Variants in ZPBP observed in about 807,000 individuals in gnomAD.
The protein encoded by ZPBP is zona pellucida-binding protein 1.
In ZPBP, 26 loss-of-function variants were observed where a neutral mutation model predicts 44.8. The ratio of observed to expected loss-of-function variants is 0.58; its 90% CI spans 0.43 to 0.81. The LOEUF is 0.81. Among genes scored for constraint, ZPBP ranks in the 30% least tolerant of loss-of-function variants. ZPBP has a pLI of 0.00. For synonymous variants in ZPBP, 174 were observed against 153.2 expected, an observed-to-expected ratio of 1.14 and a Z score of -1.00; for missense variants, 409 against 434.0, an observed-to-expected ratio of 0.94 and a Z score of 0.51.
intron 7 of ZPBP, chr7:49,940,853 G>C: frequency 1.2e-5 from 11 of 945,434 alleles, no homozygotes; most frequent in Non-Finnish European, 1.4e-5. Context: ...GATGGGTGCA[G>C]TTCCTGAAAA....
chr7:49,986,410 T>C (rs1219159452), intron 6 of ZPBP, among the ~76,000 whole-genome samples: 1 of 152,170 alleles, frequency 6.6e-6, no homozygotes, highest in Non-Finnish European at 1.5e-5. Context: ...CCCTCCCAGC[T>C]GGGGCTGGGG....
rs369777825 is a variant in ZPBP, at chr7:49,917,507, C to T, written n.412-16292G>A. ...CTTTCCTTTAAAGTTCAGAAAAGTA[C>T]ATAAAACCTCTGGCTGACCTATTAT... is the stretch of plus-strand genomic sequence containing the variant. On this transcript the variant is annotated intron_variant and non_coding_transcript_variant, in intron 1 of 2. Coordinates refer to the ZPBP transcript ENST00000465922. 28 of 152,254 alleles carry T rather than the reference C, an allele frequency of 1.8e-4. 1 individual carries two copies. In the South Asian group the frequency reaches 5.8e-3, roughly 32 times the overall value. The allele number at this position is 152,254 out of a possible 1,614,324, so 9.4% of individuals were successfully genotyped here.
At chr7:49,964,365 T>G (rs1194378155) in intron 7 of ZPBP, among the ~76,000 whole-genome samples, 1 of 152,012 alleles carries the variant, frequency 6.6e-6, no homozygotes, top group African/African-American at 2.4e-5. Context: ...TTAATGACCA[T>G]ATGATTATTT....
intron 4 of ZPBP, among the ~76,000 whole-genome samples, chr7:50,056,734 C>T (rs1800953819): frequency 1.3e-5 from 2 of 152,136 alleles, no homozygotes; most frequent in African/African-American, 2.4e-5. Context: ...CCTTTCTAGC[C>T]TCATGCATTT....
chr7:49,926,014 A>G (rs964305366), intron 1 of ZPBP, among the ~76,000 whole-genome samples: 1 of 152,254 alleles, frequency 6.6e-6, no homozygotes, highest in Non-Finnish European at 1.5e-5. Flanking sequence ...TCAGTCCTGA[A>G]TGGACTGCTG....
In ZPBP at chr7:49,965,604, T is replaced by A. The variant is rs558435518; in HGVS notation, c.961+17738A>T. ...CTACTGGAAATGGTAGTTACATGAG[T>A]AAATACATGAGAGTTTTTTTGGTGT... is the stretch of plus-strand genomic sequence containing the variant. On this transcript the variant is annotated intron_variant, in intron 7 of 7. Transcript: ENST00000046087. Among the ~76,000 whole-genome samples the A allele has an allele frequency of 4.6e-5, 7 of 152,082 alleles. No homozygotes were observed. The East Asian group carries it at 1.2e-3, about 25-fold the overall frequency.
intron 2 of ZPBP, among the ~76,000 whole-genome samples, chr7:49,895,456 C>CA (rs1425122465): frequency 1.1e-4 from 17 of 152,078 alleles, no homozygotes; most frequent in Admixed American, 4.6e-4. Flanking sequence ...GTATAAACAA[C>CA]AAAAAAACCC....
At chr7:50,079,205 A>T (rs1265384963) in intron 3 of ZPBP, among the ~76,000 whole-genome samples, 4 of 151,638 alleles carry the variant, frequency 2.6e-5, no homozygotes, top group African/African-American at 9.7e-5. Context: ...TTCCTACCTC[A>T]TTGAGATTAT....
intron 1 of ZPBP, among the ~76,000 whole-genome samples, chr7:49,927,937 C>T (rs185057119): frequency 3.9e-5 from 6 of 152,264 alleles, no homozygotes; most frequent in Admixed American, 1.3e-4. Flanking sequence ...TGACAGATTT[C>T]GATATGAACA....
intron 3 of ZPBP, among the ~76,000 whole-genome samples, chr7:50,068,598 G>C (rs1179816121): frequency 6.6e-6 from 1 of 152,096 alleles, no homozygotes; most frequent in African/African-American, 2.4e-5. Context: ...TCCTTGCAAA[G>C]CCAGCTTCTC....
At chr7:50,064,847 C>T (rs1157425781) in intron 3 of ZPBP, among the ~76,000 whole-genome samples, 4 of 152,004 alleles carry the variant, frequency 2.6e-5, no homozygotes, top group South Asian at 2.1e-4. Flanking sequence ...ACATCCTCCT[C>T]GGCTGACAGG....
At chr7:49,939,535 CAA>C (rs1794773394) in intron 7 of ZPBP, among the ~76,000 whole-genome samples, 1 of 150,996 alleles carries the variant, frequency 6.6e-6, no homozygotes, top group African/African-American at 2.4e-5. Flanking sequence ...AACAAAGAGA[CAA>C]AGAAGGATTT....
chr7:50,019,598 C>T lies in ZPBP; in HGVS notation c.707-1282G>A, dbSNP rs148701187. ...GATGGACAACTGTTGATATGAAGATCATAAAATTGATCATAAAAGTATGAA... is the reference window on the plus strand; with the variant it reads ...GATGGACAACTGTTGATATGAAGATTATAAAATTGATCATAAAAGTATGAA... On this transcript the variant is annotated intron_variant, in intron 5 of 7. Transcript: ENST00000046087. Among the ~76,000 whole-genome samples, 129 of 152,138 alleles carry T rather than the reference C, an allele frequency of 8.5e-4. 1 individual carries two copies. The highest frequency in any genetic ancestry group is 1.6e-3 in the Non-Finnish European group (106 of 67,966).
At chr7:50,064,025 T>A (rs1380223518) in intron 3 of ZPBP, among the ~76,000 whole-genome samples, 1 of 152,220 alleles carries the variant, frequency 6.6e-6, no homozygotes, top group Non-Finnish European at 1.5e-5. Flanking sequence ...CTCTTATGTA[T>A]CGGGGGACCT....
At chr7:49,900,987 A>G (rs1330125145) in intron 2 of ZPBP, 2 of 151,830 alleles carry the variant, frequency 1.3e-5, no homozygotes, top group Non-Finnish European at 3.0e-5. Flanking sequence ...AATCACGATG[A>G]TATCAGTAGA....
In ZPBP at chr7:49,877,497, T is replaced by C. The variant is rs867754878; in HGVS notation, n.509+23621A>G. ...AAAAAAAAAAATATATATATATATA[T>C]ATATATATATATATATATATAGTTA... On this transcript the variant is annotated intron_variant and non_coding_transcript_variant, in intron 2 of 2. Transcript: ENST00000465922. Among the ~76,000 whole-genome samples, 145 of 82,558 alleles carry C rather than the reference T, an allele frequency of 1.8e-3. 22 individuals are homozygous for C. In the East Asian group the frequency reaches 0.02, roughly 11 times the overall value. The allele number at this position is 82,558 out of a possible 152,430, so 54.2% of individuals were successfully genotyped here. A position where few individuals can be genotyped will look rare whatever the true frequency, so the allele number is the denominator to read the frequency against.
At chr7:50,039,538 A>G (rs1213507070) in intron 4 of ZPBP, among the ~76,000 whole-genome samples, 3 of 152,178 alleles carry the variant, frequency 2.0e-5, no homozygotes, top group Non-Finnish European at 4.4e-5. Context: ...TCACAGAAGA[A>G]TTTATATATA....
intron 3 of ZPBP, among the ~76,000 whole-genome samples, chr7:50,074,254 G>C (rs1801978757): frequency 6.6e-6 from 1 of 151,792 alleles, no homozygotes; most frequent in Non-Finnish European, 1.5e-5. Context: ...CAAGCCTCAT[G>C]GTAACCTAAA....
intron 3 of ZPBP, among the ~76,000 whole-genome samples, chr7:50,061,611 A>G (rs1801238361): frequency 6.6e-6 from 1 of 152,178 alleles, no homozygotes. Flanking sequence ...GATTTTAATG[A>G]TTTTAATGAT....
Sources: allele counts gnomAD v4.1 joint callset (sites outside exome capture counted in the v4.1 genomes callset), GRCh38; gene constraint gnomAD v4.1.1; transcripts MANE v1.5; gene names NCBI Gene and HGNC (gene_info 2026-07-23, HGNC 2026-07-21).